The following ERCC6L2 variants were observed in gnomAD, a reference collection of about 807,000 sequenced individuals.
The protein encoded by ERCC6L2 is DNA excision repair protein ERCC-6-like 2.
A neutral mutation model predicts 132.0 loss-of-function variants in ERCC6L2; 77 were observed. The ratio of observed to expected loss-of-function variants is 0.58; its 90% CI spans 0.49 to 0.71. The LOEUF is 0.71. Ranked by LOEUF, ERCC6L2 falls within the 30% of genes least tolerant of loss-of-function variation. The pLI is 0.00. For missense variants in ERCC6L2, 1,542 were observed against 1,837.6 expected, an observed-to-expected ratio of 0.84 and a Z score of 2.94; for synonymous variants, 583 against 632.4, an observed-to-expected ratio of 0.92 and a Z score of 1.17.
intron 3 of ERCC6L2, 38 bp from the exon 4 acceptor site, chr9:95,907,040 T>C: frequency 6.6e-7 from 1 of 1,511,832 alleles, no homozygotes; most frequent in Non-Finnish European, 9.0e-7. Context: ...CTTTTTCAGT[T>C]TTTAAAAAAC....
intron 3 of ERCC6L2, among the ~76,000 whole-genome samples, chr9:95,902,665 G>A (rs624075): frequency 0.26 from 40,036 of 151,902 alleles, 5,876 homozygotes; most frequent in East Asian, 0.4. Context: ...ATATCCCCAC[G>A]AGTGATGTAT....
rs560038314 is a variant in ERCC6L2 at position 95,983,872 on chromosome 9, C to A, written c.3492+5657C>A. Among the ~76,000 whole-genome samples the A allele has an allele frequency of 8.5e-5, 13 of 152,194 alleles. 1 individual carries two copies. The highest frequency in any genetic ancestry group is 2.7e-4 in the African/African-American group (11 of 41,446). ...CTCAACAATGGCCGGAGGCTTACAT[C>A]GCTGTGGTCTTTGACCCTTTCGTGT... On this transcript the variant is annotated intron_variant, in intron 17 of 18. Coordinates refer to ENST00000653738, the MANE Select transcript of ERCC6L2 (RefSeq NM_020207.7).
intron 9 of ERCC6L2, among the ~76,000 whole-genome samples, chr9:95,927,765 T>C (rs566494548): frequency 3.3e-3 from 498 of 152,312 alleles, no homozygotes; most frequent in African/African-American, 0.011. Context: ...GAAAGTGTAT[T>C]TTGGAAATTA....
intron 17 of ERCC6L2, among the ~76,000 whole-genome samples, chr9:95,995,885 A>G (rs564013872): frequency 2.0e-5 from 3 of 152,260 alleles, no homozygotes; most frequent in African/African-American, 7.2e-5. Context: ...TTTTCCCTCT[A>G]TCCCTCTCCT....
chr9:95,902,080 G>T (rs1828807977), intron 3 of ERCC6L2, among the ~76,000 whole-genome samples: 1 of 152,120 alleles, frequency 6.6e-6, no homozygotes, highest in Non-Finnish European at 1.5e-5. Context: ...AAGGAGTGGT[G>T]GGTCTAAGGT....
intron 14 of ERCC6L2, among the ~76,000 whole-genome samples, chr9:95,970,286 C>G (rs1279531392): frequency 6.6e-6 from 1 of 152,132 alleles, no homozygotes; most frequent in Non-Finnish European, 1.5e-5. Context: ...TTCACTCTCC[C>G]TCTTCCCACT....
At chr9:95,960,772 A>G (rs915845480) in intron 13 of ERCC6L2, among the ~76,000 whole-genome samples, 1 of 152,154 alleles carries the variant, frequency 6.6e-6, no homozygotes, top group Non-Finnish European at 1.5e-5. Context: ...AGCTGGAACT[A>G]TAGGTGCGTG....
intron 2 of ERCC6L2, among the ~76,000 whole-genome samples, chr9:95,885,011 G>A (rs1554734100): frequency 6.6e-6 from 1 of 152,138 alleles, no homozygotes; most frequent in Non-Finnish European, 1.5e-5. Flanking sequence ...ATAATGATAT[G>A]CCCACATATA....
intron 17 of ERCC6L2, among the ~76,000 whole-genome samples, chr9:95,987,235 A>G (rs922276858): frequency 5.3e-5 from 8 of 152,190 alleles, no homozygotes; most frequent in African/African-American, 1.7e-4. Context: ...AAAACCAGTC[A>G]TGCCTTCCCA....
chr9:96,040,674 T>C (rs1185641313), intron 20 of ERCC6L2, among the ~76,000 whole-genome samples: 1 of 152,256 alleles, frequency 6.6e-6, no homozygotes, highest in Admixed American at 6.5e-5. Context: ...TATGTCCGTA[T>C]GCGTGGCCCA....
At chr9:95,944,477 C>T (rs1296118673) in intron 12 of ERCC6L2, among the ~76,000 whole-genome samples, 1 of 152,146 alleles carries the variant, frequency 6.6e-6, no homozygotes, top group Non-Finnish European at 1.5e-5. Flanking sequence ...TTTACTTAAT[C>T]CCGTTGCACT....
At position 95,922,289 on chromosome 9, in the gene ERCC6L2, A is replaced by G. The variant is rs750631748; in HGVS notation, c.1300-16A>G. The G allele has an allele frequency of 3.5e-6, 5 of 1,419,868 alleles. No homozygotes were observed. Among genetic ancestry groups the G allele is most frequent in the Admixed American group, 1.7e-5 (1 of 58,004 alleles). The allele number at this position is 1,419,868 out of a possible 1,614,324, so 88.0% of individuals were successfully genotyped here. ...TATGCTGGTCCTTTTTATTTTCTAT[A>G]TTTTTCTGGTTACAGACCAATTCTC... On this transcript the variant is annotated splice_polypyrimidine_tract_variant and intron_variant, in intron 7 of 18. Transcript: ENST00000653738.
At chr9:96,001,711 T>G (rs974279503) in intron 17 of ERCC6L2, among the ~76,000 whole-genome samples, 13 of 152,374 alleles carry the variant, frequency 8.5e-5, no homozygotes, top group African/African-American at 3.1e-4. Context: ...TCCTGCGCCG[T>G]GTGCTCGCAT....
At chr9:95,920,459 A>G (rs1039811356) in intron 6 of ERCC6L2, among the ~76,000 whole-genome samples, 3 of 152,180 alleles carry the variant, frequency 2.0e-5, no homozygotes, top group African/African-American at 7.2e-5. Context: ...TCAACTATTT[A>G]TACTGTTGTT....
Position 95,955,932 on chromosome 9 carries a change from A to G in ERCC6L2, c.1866A>G (p.Gln622=), listed in dbSNP as rs770808841. The G allele has an allele frequency of 8.1e-6, 13 of 1,603,516 alleles. No homozygotes were observed. The highest frequency in any genetic ancestry group is 1.3e-5 in the African/African-American group (1 of 74,354). Reference sequence around the variant, plus strand: ...TTTACAGAGCATATAGGATTGGACAATGTAGAGATGTCAAAGTGCTTAGGC... The same window carrying G: ...TTTACAGAGCATATAGGATTGGACAGTGTAGAGATGTCAAAGTGCTTAGGC... ...QAIDRAYRIG[Q]CRDVKVLRLI... The change falls in exon 13 of 19, where the codon CAA becomes CAG. Residue 622 remains glutamine (Q), a synonymous_variant. Transcript: ENST00000653738.
intron 2 of ERCC6L2, among the ~76,000 whole-genome samples, chr9:95,886,441 A>G (rs1021989835): frequency 1.3e-5 from 2 of 152,232 alleles, no homozygotes; most frequent in African/African-American, 4.8e-5. Context: ...AAACAGGCAC[A>G]GGAATGACTT....
chr9:95,928,874 T>A lies in ERCC6L2; in HGVS notation c.1751+10T>A. Reference sequence around the variant, plus strand: ...GCCTTGTCTCTACAATGTAAGAAAATTAAATTTAATAACTAGATTTTTATC... The same window carrying A: ...GCCTTGTCTCTACAATGTAAGAAAAATAAATTTAATAACTAGATTTTTATC... On this transcript the variant is annotated intron_variant, in intron 11 of 18. Coordinates refer to ENST00000653738, the MANE Select transcript of ERCC6L2 (RefSeq NM_020207.7). The A allele has an allele frequency of 6.5e-7, 1 of 1,527,214 alleles. No homozygotes were observed. 94.6% of individuals were successfully genotyped at this position (1,527,214 alleles called of 1,614,324 possible). A position where few individuals can be genotyped will look rare whatever the true frequency, so the allele number is the denominator to read the frequency against.
chr9:95,964,709 A>G (rs1832074089), intron 13 of ERCC6L2, among the ~76,000 whole-genome samples: 1 of 152,038 alleles, frequency 6.6e-6, no homozygotes, highest in African/African-American at 2.4e-5. Context: ...TCTCCCTTGT[A>G]TGGGTTTTTC....
chr9:95,945,721 C>T (rs776275838), intron 12 of ERCC6L2, among the ~76,000 whole-genome samples: 25 of 152,100 alleles, frequency 1.6e-4, no homozygotes, highest in African/African-American at 5.3e-4. Context: ...CCTGACTTCC[C>T]GCAACAGGTG....
Sources: allele counts gnomAD v4.1 joint callset (sites outside exome capture counted in the v4.1 genomes callset), GRCh38; gene constraint gnomAD v4.1.1; transcripts MANE v1.5; gene names NCBI Gene and HGNC (gene_info 2026-07-23, HGNC 2026-07-21).